The following ADAMTS17 variants were observed in gnomAD, a reference collection of about 807,000 sequenced individuals.
ADAMTS17 encodes A disintegrin and metalloproteinase with thrombospondin motifs 17.
ADAMTS17 carries 113 observed loss-of-function variants against 141.5 expected under a neutral mutation model. The ratio of observed to expected loss-of-function variants is 0.80; its 90% CI spans 0.69 to 0.93. The LOEUF (loss-of-function observed/expected upper bound fraction) is 0.93, where lower values mean the gene tolerates loss of function less well. Among genes scored for constraint, ADAMTS17 ranks in the 40% least tolerant of loss-of-function variants. The pLI is 0.00. For synonymous variants in ADAMTS17, 768 were observed against 630.6 expected, an observed-to-expected ratio of 1.22 and a Z score of -3.27; for missense variants, 1,659 against 1,517.9, an observed-to-expected ratio of 1.09 and a Z score of -1.54.
intron 20 of ADAMTS17, among the ~76,000 whole-genome samples, chr15:99,985,121 C>T (rs1038089338): frequency 3.3e-5 from 5 of 152,270 alleles, no homozygotes; most frequent in African/African-American, 9.6e-5. Flanking sequence ...CTGTAAAGCA[C>T]GGATGGCCCA....
chr15:100,108,172 C>T (rs1420272583), intron 14 of ADAMTS17, among the ~76,000 whole-genome samples: 2 of 147,104 alleles, frequency 1.4e-5, no homozygotes, highest in Non-Finnish European at 3.0e-5. Context: ...TTCTCGCATT[C>T]CTTTTTTTTT....
Position 100,184,076 on chromosome 15 carries a change from AC to A in ADAMTS17, c.1181+15241del, listed in dbSNP as rs571777070. 4.0e-3 allele frequency among the ~76,000 whole-genome samples: 616 copies of A among 152,286 alleles called. 2 individuals are homozygous for A. Among genetic ancestry groups the A allele is most frequent in the African/African-American group, 0.014 (566 of 41,552 alleles). On this transcript the variant is annotated intron_variant, in intron 8 of 21. Coordinates refer to ENST00000268070, the MANE Select transcript of ADAMTS17 (RefSeq NM_139057.4). ...CTGCTGGGAGCAGATCGAGCTGCCC[AC>A]CAGTGTCCTGGTTGTGGAGCACAAG...
chr15:100,296,421 T>C (rs1210626220), intron 3 of ADAMTS17, among the ~76,000 whole-genome samples: 1 of 152,172 alleles, frequency 6.6e-6, no homozygotes, highest in Non-Finnish European at 1.5e-5. Context: ...TCTTTCTTTT[T>C]TTTTCCAAAA....
intron 7 of ADAMTS17, among the ~76,000 whole-genome samples, chr15:100,214,194 G>C (rs1441945251): frequency 6.6e-6 from 1 of 152,146 alleles, no homozygotes; most frequent in East Asian, 1.9e-4. Flanking sequence ...TCCCCCTTCA[G>C]CCATGTCGAC....
chr15:100,324,024 C>CAAAAAAAAA (rs35999702), intron 3 of ADAMTS17, among the ~76,000 whole-genome samples: 1 of 133,156 alleles, frequency 7.5e-6, no homozygotes, highest in Non-Finnish European at 1.6e-5. Flanking sequence ...TCCTTTCTCT[C>CAAAAAAAAA]AAAAAAAAAA....
chr15:100,306,792 G>C (rs2045242239), intron 3 of ADAMTS17, among the ~76,000 whole-genome samples: 1 of 152,196 alleles, frequency 6.6e-6, no homozygotes, highest in Admixed American at 6.5e-5. Context: ...AAAGCCCAAA[G>C]CGGGGATGCA....
intron 8 of ADAMTS17, among the ~76,000 whole-genome samples, chr15:100,158,680 G>A (rs2039550324): frequency 6.6e-6 from 1 of 152,138 alleles, no homozygotes; most frequent in African/African-American, 2.4e-5. Context: ...GTGGAATCCT[G>A]CAGTATTTTT....
intron 6 of ADAMTS17, among the ~76,000 whole-genome samples, chr15:100,260,931 C>A (rs1450222600): frequency 6.6e-6 from 1 of 152,128 alleles, no homozygotes; most frequent in African/African-American, 2.4e-5. Flanking sequence ...ACATGTAACA[C>A]ATTTTGTTTA....
rs149189160 is a variant in ADAMTS17, at chr15:100,202,565, AAG to A, written c.1076-3144_1076-3143del. The stretch of plus-strand genomic sequence containing the variant: ...AGAAAATCCCAGGTTGTTGTAAAAT[AAG>A]AGCTGTGGGGGGAGTAAACAGTAAT... On this transcript the variant is annotated intron_variant, in intron 7 of 21. Transcript: ENST00000268070. Among the ~76,000 whole-genome samples, 58 of 152,338 alleles carry A rather than the reference AAG, an allele frequency of 3.8e-4. No individual in the cohort carries two copies. The East Asian group carries it at 9.1e-3, about 24-fold the overall frequency.
intron 10 of ADAMTS17, among the ~76,000 whole-genome samples, chr15:100,147,459 C>T (rs187822038): frequency 6.6e-6 from 1 of 152,332 alleles, no homozygotes; most frequent in South Asian, 2.1e-4. Flanking sequence ...TCCTAGGCCA[C>T]AAACCTGTAT....
chr15:100,205,688 A>G (rs1465225477), intron 7 of ADAMTS17, among the ~76,000 whole-genome samples: 9 of 152,156 alleles, frequency 5.9e-5, no homozygotes, highest in Non-Finnish European at 1.3e-4. Context: ...TTATTTTGAC[A>G]AACACTTTGT....
chr15:100,145,786 C>A (rs748086281), intron 10 of ADAMTS17, among the ~76,000 whole-genome samples: 106 of 152,288 alleles, frequency 7.0e-4, no homozygotes, highest in Middle Eastern at 6.8e-3. Context: ...TCTTTTCTTT[C>A]TTGGCATATT....
chr15:100,241,404 G>A (rs113194062), intron 7 of ADAMTS17, among the ~76,000 whole-genome samples: 51 of 152,312 alleles, frequency 3.3e-4, no homozygotes, highest in African/African-American at 1.1e-3. Flanking sequence ...TTGAGACCTC[G>A]AAGTATTTCA....
intron 15 of ADAMTS17, among the ~76,000 whole-genome samples, chr15:100,086,223 A>C (rs1350016552): frequency 7.2e-5 from 11 of 152,148 alleles, no homozygotes; most frequent in Admixed American, 7.2e-4. Context: ...CAGACTTTAA[A>C]CCAACAAAGA....
chr15:100,177,592 G>T (rs2040381227), intron 8 of ADAMTS17, among the ~76,000 whole-genome samples: 1 of 152,178 alleles, frequency 6.6e-6, no homozygotes, highest in African/African-American at 2.4e-5. Context: ...AATGTTCCAT[G>T]ACAGCTTGAA....
At chr15:100,306,203 C>T (rs1294226723) in intron 3 of ADAMTS17, 4 of 308,562 alleles carry the variant, frequency 1.3e-5, no homozygotes, top group African/African-American at 6.5e-5. Flanking sequence ...TTAAATAAGG[C>T]CCCCAAATTC....
At chr15:100,000,988 AGTATTG>A (rs1287262372) in intron 18 of ADAMTS17, among the ~76,000 whole-genome samples, 5 of 152,230 alleles carry the variant, frequency 3.3e-5, no homozygotes, top group African/African-American at 1.2e-4. Flanking sequence ...TCACTGTAGA[AGTATTG>A]GCTCCAGGAC....
At chr15:100,098,561 G>A (rs1055547151) in intron 14 of ADAMTS17, among the ~76,000 whole-genome samples, 60 of 152,092 alleles carry the variant, frequency 3.9e-4, no homozygotes, top group Non-Finnish European at 6.3e-4. Flanking sequence ...TACTCAGGAG[G>A]CTGAGGCAGG....
chr15:100,067,870 G>A (rs1043784669), intron 15 of ADAMTS17, among the ~76,000 whole-genome samples: 21 of 152,160 alleles, frequency 1.4e-4, no homozygotes, highest in African/African-American at 3.9e-4. Context: ...CTGAGGTACC[G>A]GGTTCATCTC....
Sources: allele counts gnomAD v4.1 joint callset (sites outside exome capture counted in the v4.1 genomes callset), GRCh38; gene constraint gnomAD v4.1.1; transcripts MANE v1.5; gene names NCBI Gene and HGNC (gene_info 2026-07-23, HGNC 2026-07-21).